Variants in SLC9A2 observed in about 807,000 individuals in gnomAD.
The protein encoded by SLC9A2 is sodium/hydrogen exchanger 2.
A neutral mutation model predicts 71.7 loss-of-function variants in SLC9A2; 42 were observed. That is an observed-to-expected ratio of 0.59 (90% CI 0.46 to 0.76). The LOEUF (loss-of-function observed/expected upper bound fraction) is 0.76. Ranked by LOEUF, SLC9A2 falls within the 30% of genes least tolerant of loss-of-function variation. The pLI is 0.00. For missense variants in SLC9A2, 829 were observed against 1,017.4 expected, an observed-to-expected ratio of 0.81 and a Z score of 2.52; for synonymous variants, 396 against 392.5, an observed-to-expected ratio of 1.01 and a Z score of -0.10.
chr2:102,619,793 C>G lies in SLC9A2; in HGVS notation c.-56C>G. 7.0e-7 allele frequency: 1 copy of G among 1,423,176 alleles called. No homozygotes were observed. Among genetic ancestry groups the G allele is most frequent in the Non-Finnish European group, 9.2e-7 (1 of 1,084,318 alleles). The allele number at this position is 1,423,176 out of a possible 1,614,324, so 88.2% of individuals were successfully genotyped here. A position where few individuals can be genotyped will look rare whatever the true frequency, so the allele number is the denominator to read the frequency against. Reference sequence around the variant, plus strand: ...CGGGCTGAGCAGCCCGGGCGCGATGCGTTGAGCGCTCGGAGGGCCAACCGC... The same window carrying G: ...CGGGCTGAGCAGCCCGGGCGCGATGGGTTGAGCGCTCGGAGGGCCAACCGC... On this transcript the variant is annotated 5_prime_UTR_variant, in exon 1 of 12. Transcript: ENST00000233969. The surrounding 1 kb of genome is among the most constrained non-coding windows in gnomAD (Gnocchi z 4.3).
intron 3 of SLC9A2, among the ~76,000 whole-genome samples, chr2:102,679,384 A>AT (rs1677405835): frequency 2.2e-5 from 3 of 134,130 alleles, no homozygotes; most frequent in African/African-American, 8.8e-5. Flanking sequence ...ATATATATAT[A>AT]ATTTTTTTTT....
At chr2:102,657,214 A>AATAAT (rs1553425682) in intron 1 of SLC9A2, among the ~76,000 whole-genome samples, 1 of 151,454 alleles carries the variant, frequency 6.6e-6, no homozygotes, top group Admixed American at 6.6e-5. Flanking sequence ...TCAAAAAAAA[A>AATAAT]AATAATAATA....
At chr2:102,641,439 C>A (rs1361258431) in intron 1 of SLC9A2, among the ~76,000 whole-genome samples, 1 of 151,896 alleles carries the variant, frequency 6.6e-6, no homozygotes, top group East Asian at 2.0e-4. Flanking sequence ...TGTGGGCCAC[C>A]TTTGTCCCCA....
chr2:102,667,180 A>T (rs1432218818), intron 3 of SLC9A2, among the ~76,000 whole-genome samples: 1 of 152,198 alleles, frequency 6.6e-6, no homozygotes, highest in Non-Finnish European at 1.5e-5. Context: ...GAAATGTTCC[A>T]TGTCTTTCTG....
At position 102,684,242 on chromosome 2, in the gene SLC9A2, C is replaced by T. The variant is rs377206233; in HGVS notation, c.1331C>T (p.Ala444Val). Residue 444 changes from alanine (A) to valine (V), a missense_variant, in exon 5 of 12, where the codon GCG (alanine) becomes GTG (valine). Ala to Val is a moderately conservative substitution (Grantham distance 64, BLOSUM62 0). Around this residue, in one of 3 missense-constraint regions of SLC9A2, gnomAD observed 500 missense variants for 726.3 expected, o/e 0.69. Coordinates refer to ENST00000233969, the MANE Select transcript of SLC9A2 (RefSeq NM_003048.6). ...YGGLRGAICF[A>V]LVFLLPAAVF... ...GGACTTCGAGGTGCCATCTGTTTTG[C>T]GTTAGTGTTTCTCCTTCCTGCTGCT... is the stretch of plus-strand genomic sequence containing the variant. The T allele has an allele frequency of 6.2e-7, 1 of 1,614,068 alleles. No homozygotes were observed. The highest frequency in any genetic ancestry group is 2.2e-5 in the East Asian group (1 of 44,884).
At chr2:102,667,744 T>G (rs1222772466) in intron 3 of SLC9A2, among the ~76,000 whole-genome samples, 6 of 152,140 alleles carry the variant, frequency 3.9e-5, no homozygotes. Flanking sequence ...GACAACTTAG[T>G]GTAGAGGAAA....
intron 5 of SLC9A2, among the ~76,000 whole-genome samples, chr2:102,686,075 T>A (rs1190183576): frequency 6.6e-6 from 1 of 152,178 alleles, no homozygotes; most frequent in Non-Finnish European, 1.5e-5. Flanking sequence ...GTTTTAAAAA[T>A]TTATTCATAT....
rs914123157 is a variant in SLC9A2, at chr2:102,655,039, T to C, written c.290-2525T>C. Among the ~76,000 whole-genome samples the C allele has an allele frequency of 4.6e-5, 7 of 152,300 alleles. No homozygotes were observed. The East Asian group carries it at 1.3e-3, about 29-fold the overall frequency. On this transcript the variant is annotated intron_variant, in intron 1 of 11. Transcript: ENST00000233969. Reference sequence around the variant, plus strand: ...AGTCAGTGAGTGAGTGGTGAGTGAATGTGAAGTCCTAGACATTAGTGTACA... The same window carrying C: ...AGTCAGTGAGTGAGTGGTGAGTGAACGTGAAGTCCTAGACATTAGTGTACA...
intron 1 of SLC9A2, among the ~76,000 whole-genome samples, chr2:102,635,538 G>A (rs1676453476): frequency 6.6e-6 from 1 of 152,220 alleles, no homozygotes; most frequent in Admixed American, 6.5e-5. Context: ...TCTGACATCT[G>A]ATTATTTATG....
chr2:102,628,566 A>G (rs1016160), intron 1 of SLC9A2, among the ~76,000 whole-genome samples: 135,989 of 152,108 alleles, frequency 0.89, 61,080 homozygotes, highest in East Asian at 1. Flanking sequence ...TCCTACTTTA[A>G]TTGTATTGCA....
rs1399945992 is a variant in SLC9A2, at chr2:102,708,220, C to A, written c.2170C>A (p.Pro724Thr). 16 of 1,614,084 alleles carry A rather than the reference C, an allele frequency of 9.9e-6. No homozygotes were observed. The highest frequency in any genetic ancestry group is 1.4e-5 in the Non-Finnish European group (16 of 1,180,056). Reference protein sequence around the residue: ...FLPEQFSKKSPQSYKMEWKNE... With the variant: ...FLPEQFSKKSTQSYKMEWKNE... Reference sequence around the variant, plus strand: ...GCCAGAACAGTTCTCCAAGAAATCCCCCCAGTCCTATAAAATGGAATGGAA... The same window carrying A: ...GCCAGAACAGTTCTCCAAGAAATCCACCCAGTCCTATAAAATGGAATGGAA... Residue 724 changes from proline (P) to threonine (T), a missense_variant, in exon 12 of 12, where the codon CCC becomes ACC. Pro to Thr is a conservative substitution (Grantham distance 38, BLOSUM62 -1). This residue lies in a region of SLC9A2 where 223 missense variants were observed against 197.5 expected (regional missense o/e 1.13). Coordinates refer to ENST00000233969, the MANE Select transcript of SLC9A2 (RefSeq NM_003048.6).
intron 1 of SLC9A2, among the ~76,000 whole-genome samples, chr2:102,651,776 A>G (rs914827218): frequency 6.6e-5 from 10 of 152,230 alleles, no homozygotes; most frequent in African/African-American, 2.4e-4. Context: ...CTGAGGTCTC[A>G]ATAAATGCAT....
chr2:102,707,785 T>C (rs894148884), intron 11 of SLC9A2, among the ~76,000 whole-genome samples: 1 of 152,166 alleles, frequency 6.6e-6, no homozygotes, highest in South Asian at 2.1e-4. Flanking sequence ...AGCTCCACCA[T>C]CTACAAATAC....
rs140128608 is a variant in SLC9A2 at position 102,673,012 on chromosome 2, AT to A, written c.1004+7665del. On this transcript the variant is annotated intron_variant, in intron 3 of 11. Coordinates refer to ENST00000233969, the MANE Select transcript of SLC9A2 (RefSeq NM_003048.6). Reference sequence around the variant, plus strand: ...TTCTAGCTAATGCCAAAAGATATTGATTTCTGATGGAGGCAAAAAAAAATCA... The same window carrying A: ...TTCTAGCTAATGCCAAAAGATATTGATTCTGATGGAGGCAAAAAAAAATCA... 3.1e-3 allele frequency among the ~76,000 whole-genome samples: 463 copies of A among 151,150 alleles called. 3 individuals carry two copies. The highest frequency in any genetic ancestry group is 0.01 in the Middle Eastern group (3 of 290).
rs1678067626 is a variant in SLC9A2, at chr2:102,709,790, T to C, written c.*1301T>C. On this transcript the variant is annotated 3_prime_UTR_variant, in exon 12 of 12. Transcript: ENST00000233969. ...TTCTCTATCTCTTAACTGTAGATTT[T>C]ATTGGCCTGTTTTTTTTTTCTAAAT... The C allele has an allele frequency of 6.6e-6, 1 of 152,534 alleles. No individual in the cohort carries two copies. Among genetic ancestry groups the C allele is most frequent in the South Asian group, 2.1e-4 (1 of 4,834 alleles). 9.4% of individuals were successfully genotyped at this position (152,534 alleles called of 1,614,324 possible).
rs34248413 is a variant in SLC9A2 at position 102,654,195 on chromosome 2, C to CTTTTTTT, written c.290-3352_290-3346dup. Among the ~76,000 whole-genome samples, 103 of 89,532 alleles carry CTTTTTTT rather than the reference C, an allele frequency of 1.2e-3. 5 individuals are homozygous for CTTTTTTT. The highest frequency in any genetic ancestry group is 3.7e-3 in the African/African-American group (79 of 21,180). The allele number at this position is 89,532 out of a possible 152,430, so 58.7% of individuals were successfully genotyped here. A position where few individuals can be genotyped will look rare whatever the true frequency, so the allele number is the denominator to read the frequency against. On this transcript the variant is annotated intron_variant, in intron 1 of 11. Coordinates refer to ENST00000233969, the MANE Select transcript of SLC9A2 (RefSeq NM_003048.6). The stretch of plus-strand genomic sequence containing the variant: ...CTGGCGATGCTGCTGTTGGCTGACT[C>CTTTTTTT]TTTTTTTTTTTTTTTTTTTTTTTGA...
chr2:102,656,618 G>A (rs1676948665), intron 1 of SLC9A2, among the ~76,000 whole-genome samples: 1 of 152,194 alleles, frequency 6.6e-6, no homozygotes, highest in Non-Finnish European at 1.5e-5. Context: ...TGTCTCTGAA[G>A]GAGCAAACGT....
chr2:102,704,687 T>C lies in SLC9A2; in HGVS notation c.1977+12T>C. On this transcript the variant is annotated intron_variant, in intron 10 of 11. Coordinates refer to ENST00000233969, the MANE Select transcript of SLC9A2 (RefSeq NM_003048.6). The stretch of plus-strand genomic sequence containing the variant: ...ATCGAGAACACAGGGTAACTGAGTG[T>C]GCGCCTCTAGGAGACTTCCAGGGGT... The C allele has an allele frequency of 6.2e-7, 1 of 1,607,752 alleles. No homozygotes were observed. The highest frequency in any genetic ancestry group is 8.5e-7 in the Non-Finnish European group (1 of 1,175,832).
chr2:102,678,104 A>G (rs556565935), intron 3 of SLC9A2, among the ~76,000 whole-genome samples: 1 of 152,074 alleles, frequency 6.6e-6, no homozygotes, highest in South Asian at 2.1e-4. Flanking sequence ...CTGCACTTCT[A>G]TAGTATCTTC....
Sources: allele counts gnomAD v4.1 joint callset (sites outside exome capture counted in the v4.1 genomes callset), GRCh38; gene constraint gnomAD v4.1.1; regional missense constraint gnomAD v4.1.1; non-coding constraint Gnocchi (gnomAD v3.1); transcripts MANE v1.5; gene names NCBI Gene and HGNC (gene_info 2026-07-23, HGNC 2026-07-21).